GPC6: variants seen among roughly 807,000 people sequenced by gnomAD.
The protein encoded by GPC6 is glypican 6, also known as glypican-6.
In GPC6, 14 loss-of-function variants were observed where a neutral mutation model predicts 55.2. That is an observed-to-expected ratio of 0.25 (90% CI 0.17 to 0.40). The LOEUF (loss-of-function observed/expected upper bound fraction) is 0.40. Ranked by LOEUF, GPC6 falls within the 10% of genes least tolerant of loss-of-function variation. The probability of loss-of-function intolerance (pLI) is 1.00; values close to 1 mark genes in which losing one functional copy is unlikely to be tolerated. For synonymous variants in GPC6, 278 were observed against 259.6 expected, an observed-to-expected ratio of 1.07 and a Z score of -0.68; for missense variants, 641 against 708.5, an observed-to-expected ratio of 0.90 and a Z score of 1.08.
intron 4 of GPC6, among the ~76,000 whole-genome samples, chr13:94,175,971 G>T (rs1273215889): frequency 6.5e-4 from 93 of 143,406 alleles, no homozygotes; most frequent in Non-Finnish European, 1.1e-3. Flanking sequence ...GAGAGAGAGA[G>T]AGAGAGAGAG....
rs149026466 is a variant in GPC6, at chr13:94,261,147, G to A, written c.878-25202G>A. On this transcript the variant is annotated intron_variant, in intron 4 of 8. Transcript: ENST00000377047. ...AAATTAGCCAGGCGTGGTGGTGGGC[G>A]CCTATAATCCCAGCTGCCTTGGGAG... is the stretch of plus-strand genomic sequence containing the variant. Among the ~76,000 whole-genome samples, 1,005 of 152,084 alleles carry A rather than the reference G, an allele frequency of 6.6e-3. 7 individuals are homozygous for A. The highest frequency in any genetic ancestry group is 0.013 in the African/African-American group (549 of 41,498).
intron 2 of GPC6, among the ~76,000 whole-genome samples, chr13:93,684,011 G>A (rs1927687): frequency 0.79 from 120,014 of 151,940 alleles, 48,779 homozygotes; most frequent in Non-Finnish European, 0.9. Flanking sequence ...AAGGGCACTA[G>A]TACCATTGAT....
At chr13:93,626,667 TG>T (rs1879213694) in intron 2 of GPC6, among the ~76,000 whole-genome samples, 1 of 151,996 alleles carries the variant, frequency 6.6e-6, no homozygotes, top group African/African-American at 2.4e-5. Flanking sequence ...CCAGGCATAG[TG>T]GCACACGCCT....
At chr13:93,513,543 T>C (rs1881064798) in intron 1 of GPC6, among the ~76,000 whole-genome samples, 1 of 150,938 alleles carries the variant, frequency 6.6e-6, no homozygotes. Context: ...GTGAATCTTA[T>C]CATGTTCTTC....
intron 2 of GPC6, among the ~76,000 whole-genome samples, chr13:93,747,853 G>A (rs1045914427): frequency 6.6e-6 from 1 of 152,066 alleles, no homozygotes. Context: ...GTAACTCAAG[G>A]AGCCTCTGTA....
intron 4 of GPC6, among the ~76,000 whole-genome samples, chr13:94,085,087 G>T (rs180929473): frequency 5.7e-4 from 86 of 152,080 alleles, no homozygotes; most frequent in African/African-American, 2.0e-3. Flanking sequence ...ACTTTGGGAG[G>T]CCGAGGCAGG....
chr13:93,665,348 A>G (rs1384039515), intron 2 of GPC6, among the ~76,000 whole-genome samples: 2 of 152,208 alleles, frequency 1.3e-5, no homozygotes, highest in Non-Finnish European at 2.9e-5. Flanking sequence ...GCAGCACTCT[A>G]TGTAAAGTAC....
At chr13:93,823,852 T>A (rs1193586424) in intron 2 of GPC6, among the ~76,000 whole-genome samples, 2 of 152,152 alleles carry the variant, frequency 1.3e-5, no homozygotes, top group Non-Finnish European at 2.9e-5. Context: ...GAATAATTAG[T>A]TGAGTAAATA....
intron 6 of GPC6, among the ~76,000 whole-genome samples, chr13:94,369,648 C>A (rs1267455823): frequency 6.6e-6 from 1 of 152,140 alleles, no homozygotes; most frequent in Non-Finnish European, 1.5e-5. Flanking sequence ...CCCCAGGTGT[C>A]CATCTTACCT....
intron 1 of GPC6, among the ~76,000 whole-genome samples, chr13:93,303,458 T>G (rs931483852): frequency 3.3e-5 from 5 of 152,164 alleles, no homozygotes; most frequent in African/African-American, 1.2e-4. Flanking sequence ...TGGTAATATC[T>G]TTAAAAATAA....
At chr13:93,221,695 T>G in the GPC6 span, among the ~76,000 whole-genome samples, 1 of 152,202 alleles carries the variant, frequency 6.6e-6, no homozygotes, top group South Asian at 2.1e-4. Context: ...GTTTACCTTT[T>G]CTTTCTCTGT....
intron 4 of GPC6, among the ~76,000 whole-genome samples, chr13:94,218,769 C>A (rs943834640): frequency 6.6e-6 from 1 of 152,116 alleles, no homozygotes; most frequent in Non-Finnish European, 1.5e-5. Context: ...GGCTCTCAAA[C>A]TTTACTTTGC....
At chr13:93,663,367 T>C (rs1005715843) in intron 2 of GPC6, among the ~76,000 whole-genome samples, 4 of 152,194 alleles carry the variant, frequency 2.6e-5, no homozygotes, top group Admixed American at 1.3e-4. Flanking sequence ...GATGTTCATA[T>C]ATGAAGTGAC....
chr13:93,795,102 A>C (rs1391246128), intron 2 of GPC6, among the ~76,000 whole-genome samples: 1 of 152,166 alleles, frequency 6.6e-6, no homozygotes, highest in Admixed American at 6.5e-5. Flanking sequence ...TTTGGATCTC[A>C]TGCATGAAAG....
Position 93,511,446 on chromosome 13 carries a change from A to G in GPC6, c.161-33817A>G, listed in dbSNP as rs368992741. 7.4e-4 allele frequency among the ~76,000 whole-genome samples: 36 copies of G among 48,482 alleles called. 1 individual carries two copies. The highest frequency in any genetic ancestry group is 1.5e-3 in the African/African-American group (34 of 22,092). 31.8% of individuals were successfully genotyped at this position (48,482 alleles called of 152,430 possible). A position where few individuals can be genotyped will look rare whatever the true frequency, so the allele number is the denominator to read the frequency against. Reference sequence around the variant, plus strand: ...TATTGAAGGTGGTTTCCTTTCCCCAATATAAATTTTTTTGGCTTTGTCAAA... The same window carrying G: ...TATTGAAGGTGGTTTCCTTTCCCCAGTATAAATTTTTTTGGCTTTGTCAAA... On this transcript the variant is annotated intron_variant, in intron 1 of 8. Transcript: ENST00000377047.
chr13:94,235,928 G>A (rs1890865552), intron 4 of GPC6, among the ~76,000 whole-genome samples: 1 of 152,152 alleles, frequency 6.6e-6, no homozygotes, highest in South Asian at 2.1e-4. Context: ...TTACACAGGT[G>A]ACGAAACTGA....
intron 3 of GPC6, among the ~76,000 whole-genome samples, chr13:93,878,783 C>G (rs1004375381): frequency 1.3e-5 from 2 of 152,096 alleles, no homozygotes; most frequent in African/African-American, 2.4e-5. Flanking sequence ...GTATTTTGAA[C>G]TTGGACTACC....
chr13:93,435,456 C>T (rs971175299), intron 1 of GPC6, among the ~76,000 whole-genome samples: 1 of 149,492 alleles, frequency 6.7e-6, no homozygotes, highest in African/African-American at 2.6e-5. Flanking sequence ...TGTCACTTTA[C>T]CAAATTTTTT....
At chr13:93,319,650 A>G (rs942165281) in intron 1 of GPC6, among the ~76,000 whole-genome samples, 2 of 152,158 alleles carry the variant, frequency 1.3e-5, no homozygotes, top group African/African-American at 4.8e-5. Flanking sequence ...GAAAAAGAGC[A>G]GAACAAATAA....
Sources: allele counts gnomAD v4.1 joint callset (sites outside exome capture counted in the v4.1 genomes callset), GRCh38; gene constraint gnomAD v4.1.1; transcripts MANE v1.5; gene names NCBI Gene and HGNC (gene_info 2026-07-23, HGNC 2026-07-21).